Variants in STXBP5L observed in about 807,000 individuals in gnomAD.
The protein encoded by STXBP5L is syntaxin-binding protein 5-like.
A neutral mutation model predicts 144.5 loss-of-function variants in STXBP5L; 65 were observed. The ratio of observed to expected loss-of-function variants is 0.45; its 90% CI spans 0.37 to 0.55. The LOEUF is 0.55. Among genes scored for constraint, STXBP5L ranks in the 20% least tolerant of loss-of-function variants. The pLI is 0.00. For missense variants in STXBP5L, 1,298 were observed against 1,405.5 expected (o/e 0.92, Z 1.22); for synonymous variants, 505 against 469.6 (o/e 1.08, Z -0.97).
intron 5 of STXBP5L, among the ~76,000 whole-genome samples, chr3:121,068,450 T>C (rs1322184391): frequency 6.6e-6 from 1 of 152,140 alleles, no homozygotes; most frequent in Non-Finnish European, 1.5e-5. Context: ...TATTATCCTA[T>C]TTTTCTCTAT....
intron 20 of STXBP5L, among the ~76,000 whole-genome samples, chr3:121,353,069 C>T (rs943745775): frequency 1.3e-5 from 2 of 152,152 alleles, no homozygotes; most frequent in Middle Eastern, 3.2e-3. Flanking sequence ...TGATGTGGTG[C>T]TGGATTCGGT....
chr3:120,992,660 T>TA (rs1190813603), intron 3 of STXBP5L, among the ~76,000 whole-genome samples: 1 of 152,132 alleles, frequency 6.6e-6, no homozygotes, highest in East Asian at 1.9e-4. Context: ...ACTGAATAGA[T>TA]TTCATTTTGT....
chr3:121,175,102 C>A (rs1271019997), intron 9 of STXBP5L, among the ~76,000 whole-genome samples: 3 of 152,122 alleles, frequency 2.0e-5, no homozygotes, highest in African/African-American at 7.2e-5. Context: ...TGTCCACACA[C>A]CAGTTTGCCA....
At chr3:120,977,469 G>A (rs1463380117) in intron 3 of STXBP5L, among the ~76,000 whole-genome samples, 2 of 152,164 alleles carry the variant, frequency 1.3e-5, no homozygotes, top group Admixed American at 1.3e-4. Flanking sequence ...CCTGAATACA[G>A]CACACTGATG....
At chr3:121,333,154 C>T (rs1275352745) in intron 20 of STXBP5L, among the ~76,000 whole-genome samples, 2 of 151,976 alleles carry the variant, frequency 1.3e-5, no homozygotes, top group African/African-American at 2.4e-5. Flanking sequence ...ACTCACAGGT[C>T]CTATAAAATA....
At chr3:121,029,536 T>C (rs754817066) in intron 3 of STXBP5L, among the ~76,000 whole-genome samples, 2 of 152,082 alleles carry the variant, frequency 1.3e-5, no homozygotes, top group Non-Finnish European at 2.9e-5. Flanking sequence ...TAATGCAAGA[T>C]GGATTAAAGA....
rs2044356195 is a variant in STXBP5L, at chr3:121,119,241, A to G, written c.606-2400A>G. Among the ~76,000 whole-genome samples the G allele has an allele frequency of 1.3e-5, 2 of 151,572 alleles. 1 individual carries two copies. The highest frequency in any genetic ancestry group is 4.1e-4 in the South Asian group (2 of 4,826). ...AGTCTAACATTCCTGTATGGCAATA[A>G]TCAACTGCAAATGAGTAGTAACTTT... On this transcript the variant is annotated intron_variant, in intron 6 of 26. Coordinates refer to ENST00000471454, the MANE Select transcript of STXBP5L (RefSeq NM_001308330.2).
At chr3:121,392,903 G>T (rs1272627075) in intron 22 of STXBP5L, among the ~76,000 whole-genome samples, 1 of 150,872 alleles carries the variant, frequency 6.6e-6, no homozygotes, top group East Asian at 1.9e-4. Context: ...ACACGTGCTT[G>T]TGTCTTTTTG....
intron 5 of STXBP5L, among the ~76,000 whole-genome samples, chr3:121,052,168 A>T (rs1021145701): frequency 6.6e-6 from 1 of 152,222 alleles, no homozygotes; most frequent in African/African-American, 2.4e-5. Flanking sequence ...AGGAGCTGGT[A>T]CCATTCCTTC....
chr3:121,189,945 G>A (rs1359964440), intron 9 of STXBP5L, among the ~76,000 whole-genome samples: 1 of 152,064 alleles, frequency 6.6e-6, no homozygotes, highest in Non-Finnish European at 1.5e-5. Context: ...TTCATAGAAA[G>A]CACTTATAAG....
intron 3 of STXBP5L, among the ~76,000 whole-genome samples, chr3:120,985,278 G>A (rs542234146): frequency 9.9e-5 from 15 of 152,188 alleles, no homozygotes; most frequent in South Asian, 6.2e-4. Context: ...CCTCTGCGAA[G>A]CCATGGGGGC....
intron 3 of STXBP5L, among the ~76,000 whole-genome samples, chr3:120,994,722 G>T (rs540275908): frequency 6.6e-6 from 1 of 151,942 alleles, no homozygotes; most frequent in African/African-American, 2.4e-5. Context: ...TTCATCATGA[G>T]TAATGGTCTG....
At chr3:120,956,519 T>A (rs75722020) in intron 3 of STXBP5L, among the ~76,000 whole-genome samples, 1,609 of 152,070 alleles carry the variant, frequency 0.011, 26 homozygotes, top group African/African-American at 0.037. Flanking sequence ...CCTTCCTTTT[T>A]AAGACTGAAT....
intron 3 of STXBP5L, among the ~76,000 whole-genome samples, chr3:121,006,763 C>T (rs1210311646): frequency 6.6e-6 from 1 of 152,112 alleles, no homozygotes; most frequent in Non-Finnish European, 1.5e-5. Flanking sequence ...CAAAATCTCT[C>T]AGCATTTGCT....
intron 3 of STXBP5L, among the ~76,000 whole-genome samples, chr3:120,986,164 G>C (rs1289341032): frequency 4.0e-5 from 6 of 151,800 alleles, no homozygotes; most frequent in Non-Finnish European, 5.9e-5. Flanking sequence ...TTGTTTAACA[G>C]TGTATTGTTT....
chr3:121,035,500 T>C (rs1280218873), intron 3 of STXBP5L, among the ~76,000 whole-genome samples: 1 of 152,176 alleles, frequency 6.6e-6, no homozygotes, highest in Non-Finnish European at 1.5e-5. Context: ...ATTGACTTTA[T>C]TAAGTATCAG....
intron 5 of STXBP5L, among the ~76,000 whole-genome samples, chr3:121,078,515 C>A (rs1486217536): frequency 6.6e-6 from 1 of 152,270 alleles, no homozygotes; most frequent in African/African-American, 2.4e-5. Flanking sequence ...GCCTGCCAGT[C>A]CCGTGCCATG....
At chr3:121,081,841 A>G (rs1576886700) in intron 5 of STXBP5L, among the ~76,000 whole-genome samples, 1 of 152,122 alleles carries the variant, frequency 6.6e-6, no homozygotes, top group African/African-American at 2.4e-5. Context: ...AGTGGGAGCT[A>G]CCTCAGCTCC....
Position 120,923,763 on chromosome 3 carries a change from C to A in STXBP5L, c.189+13996C>A, listed in dbSNP as rs187273851. ...CTTGTTTTATGGCCTGAGATATGGTCTATTCTGGAGAATATTCCATGTGCT... is the reference window on the plus strand; with the variant it reads ...CTTGTTTTATGGCCTGAGATATGGTATATTCTGGAGAATATTCCATGTGCT... On this transcript the variant is annotated intron_variant, in intron 2 of 26. Coordinates refer to ENST00000471454, the MANE Select transcript of STXBP5L (RefSeq NM_001308330.2). Among the ~76,000 whole-genome samples, 644 of 152,074 alleles carry A rather than the reference C, an allele frequency of 4.2e-3. 5 individuals carry two copies. The highest frequency in any genetic ancestry group is 0.015 in the African/African-American group (614 of 41,504).
Sources: gnomAD v4.1 joint callset for allele counts (sites outside exome capture counted in the v4.1 genomes callset) on GRCh38, gnomAD v4.1.1 for gene constraint, MANE v1.5 for transcripts, NCBI Gene and HGNC (gene_info 2026-07-23, HGNC 2026-07-21) for gene names.